The following STK10 variants were observed in gnomAD, a reference collection of about 807,000 sequenced individuals.
The protein encoded by STK10 is serine/threonine-protein kinase 10.
A neutral mutation model predicts 113.8 loss-of-function variants in STK10; 78 were observed. The ratio of observed to expected loss-of-function variants is 0.69; its 90% CI spans 0.57 to 0.83. STK10 has a LOEUF of 0.83. Among genes scored for constraint, STK10 ranks in the 40% least tolerant of loss-of-function variants. The pLI, the probability that STK10 is intolerant of heterozygous loss-of-function variation, is 0.00. For synonymous variants in STK10, 465 were observed against 494.7 expected (o/e 0.94, Z 0.80); for missense variants, 1,109 against 1,280.1 (o/e 0.87, Z 2.04).
At chr5:172,106,851 T>G in intron 5 of STK10, 37 bp from the exon 6 acceptor site, 4 of 1,580,698 alleles carry the variant, frequency 2.5e-6, no homozygotes, top group Non-Finnish European at 3.5e-6. Context: ...GCTAAGAATC[T>G]GGCCTTTACA....
At chr5:172,051,839 C>T (rs1218506913) in intron 18 of STK10, among the ~76,000 whole-genome samples, 1 of 152,042 alleles carries the variant, frequency 6.6e-6, no homozygotes, top group African/African-American at 2.4e-5. Flanking sequence ...TTGACCATGC[C>T]AGCAGCGGCT....
intron 4 of STK10, chr5:172,114,473 ATTTTTTT>A (rs546584414): frequency 8.4e-5 from 4 of 47,540 alleles, no homozygotes; most frequent in African/African-American, 4.2e-4. Context: ...ATATATATAT[ATTTTTTT>A]TTTTTTTTTT....
intron 4 of STK10, among the ~76,000 whole-genome samples, chr5:172,109,550 T>C (rs1769188799): frequency 6.6e-6 from 1 of 151,946 alleles, no homozygotes; most frequent in African/African-American, 2.4e-5. Flanking sequence ...CAAGCAATCC[T>C]CCTGCCTTGG....
chr5:172,073,793 C>CAAAAAAAAAAAAA (rs60492751), intron 12 of STK10, among the ~76,000 whole-genome samples: 8 of 58,442 alleles, frequency 1.4e-4, no homozygotes, highest in African/African-American at 2.2e-4. Context: ...CTAAAAATAG[C>CAAAAAAAAAAAAA]AAAAAAAAAA....
In STK10 at chr5:172,106,611, G is replaced by GC. The variant is rs1769116315; in HGVS notation, c.788+8dup. On this transcript the variant is annotated intron_variant, in intron 6 of 18. Transcript: ENST00000176763. Reference sequence around the variant, plus strand: ...CACCCCGGCAGGTGGCCCTGCCCCTGCCCCTCACCACTTAGAGGGCGTGAG... The same window carrying GC: ...CACCCCGGCAGGTGGCCCTGCCCCTGCCCCCTCACCACTTAGAGGGCGTGAG... 1 of 1,609,996 alleles carries GC rather than the reference G, an allele frequency of 6.2e-7. No homozygotes were observed. Among genetic ancestry groups the GC allele is most frequent in the Non-Finnish European group, 8.5e-7 (1 of 1,178,606 alleles).
At chr5:172,064,898 C>A in intron 12 of STK10, 86 bp from the exon 13 acceptor site, 1 of 1,451,750 alleles carries the variant, frequency 6.9e-7, no homozygotes, top group South Asian at 1.2e-5. Context: ...ACCCCCGGGC[C>A]AGAGAAACCA....
At chr5:172,079,097 T>C (rs1245111252) in intron 12 of STK10, among the ~76,000 whole-genome samples, 1 of 152,140 alleles carries the variant, frequency 6.6e-6, no homozygotes, top group Non-Finnish European at 1.5e-5. Context: ...TGCTAAAACA[T>C]CTATGTAAGG....
At chr5:172,056,482 A>T (rs777860940) in intron 15 of STK10, among the ~76,000 whole-genome samples, 1 of 152,154 alleles carries the variant, frequency 6.6e-6, no homozygotes, top group African/African-American at 2.4e-5. Context: ...TGGAGACCTA[A>T]AAGTATTGAG....
intron 5 of STK10, among the ~76,000 whole-genome samples, chr5:172,107,444 C>T (rs981430344): frequency 1.3e-5 from 2 of 152,208 alleles, no homozygotes; most frequent in East Asian, 1.9e-4. Context: ...TCCCCATCCC[C>T]GGCCCTCAAT....
intron 5 of STK10, among the ~76,000 whole-genome samples, chr5:172,107,260 A>T (rs966431486): frequency 6.6e-6 from 1 of 152,262 alleles, no homozygotes; most frequent in Non-Finnish European, 1.5e-5. Context: ...CAAGTAATGC[A>T]CATGAAAAAA....
intron 12 of STK10, among the ~76,000 whole-genome samples, chr5:172,068,820 G>A (rs534297058): frequency 6.6e-6 from 1 of 151,950 alleles, no homozygotes; most frequent in South Asian, 2.1e-4. Flanking sequence ...AGGAGGCAGA[G>A]GTTGCAGTGA....
chr5:172,121,044 TTTGAGATG>T (rs1473324078), intron 3 of STK10, among the ~76,000 whole-genome samples: 2 of 151,696 alleles, frequency 1.3e-5, no homozygotes, highest in African/African-American at 4.8e-5. Flanking sequence ...TTTTTTTTTT[TTTGAGATG>T]GAGTCTTGCT....
At chr5:172,045,434 A>G (rs926974398) in intron 18 of STK10, 2 of 459,058 alleles carry the variant, frequency 4.4e-6, no homozygotes, top group Non-Finnish European at 8.7e-6. Context: ...GCCTGAGTTG[A>G]GATTGCGCCA....
intron 3 of STK10, among the ~76,000 whole-genome samples, chr5:172,123,160 C>T (rs970737053): frequency 5.9e-5 from 9 of 152,184 alleles, no homozygotes; most frequent in Admixed American, 2.0e-4. Context: ...CCCAGCCATG[C>T]GGGGCAAAGT....
At chr5:172,054,073 A>G (rs897612878) in intron 17 of STK10, among the ~76,000 whole-genome samples, 2 of 152,188 alleles carry the variant, frequency 1.3e-5, no homozygotes, top group African/African-American at 4.8e-5. Flanking sequence ...GCAGTTCCTG[A>G]GGTTCGAATC....
chr5:172,067,407 AAAT>A lies in STK10; in HGVS notation c.1990-2598_1990-2596del, dbSNP rs1415491005. ...TAAATAAATAAATAAATAAATAAAT[AAAT>A]AGAATAAAATGCCAAGGAAACAATA... On this transcript the variant is annotated intron_variant, in intron 12 of 18. Coordinates refer to ENST00000176763, the MANE Select transcript of STK10 (RefSeq NM_005990.4). Among the ~76,000 whole-genome samples, 41 of 138,366 alleles carry A rather than the reference AAAT, an allele frequency of 3.0e-4. 1 individual carries two copies. Among genetic ancestry groups the A allele is most frequent in the Middle Eastern group, 7.1e-3 (2 of 280 alleles). The allele number at this position is 138,366 out of a possible 152,430, so 90.8% of individuals were successfully genotyped here. A position where few individuals can be genotyped will look rare whatever the true frequency, so the allele number is the denominator to read the frequency against.
In STK10 at chr5:172,071,233, A is replaced by AG. The variant is rs1420021142; in HGVS notation, c.1990-6422_1990-6421insC. ...ATCTCAAAAAAAAAAAAAAAAAAAA[A>AG]AAAAAAAAGAAATAGGTATTTCATT... On this transcript the variant is annotated intron_variant, in intron 12 of 18. Transcript: ENST00000176763. Among the ~76,000 whole-genome samples, 159 of 133,542 alleles carry AG rather than the reference A, an allele frequency of 1.2e-3. 1 individual carries two copies. Among genetic ancestry groups the AG allele is most frequent in the African/African-American group, 4.3e-3 (151 of 35,332 alleles). The allele number at this position is 133,542 out of a possible 152,430, so 87.6% of individuals were successfully genotyped here.
intron 2 of STK10, among the ~76,000 whole-genome samples, chr5:172,148,950 C>T (rs547093688): frequency 8.2e-4 from 125 of 152,304 alleles, no homozygotes; most frequent in Non-Finnish European, 1.3e-3. Context: ...CTTTGGGAGG[C>T]GGAGGGAGGC....
chr5:172,048,414 T>TATACACACAC (rs1554114846), intron 18 of STK10, among the ~76,000 whole-genome samples: 4 of 128,394 alleles, frequency 3.1e-5, no homozygotes, highest in African/African-American at 1.2e-4. Context: ...TCCCTCTCCC[T>TATACACACAC]ACACACACAC....
Sources: gnomAD v4.1 joint callset for allele counts (sites outside exome capture counted in the v4.1 genomes callset) on GRCh38, gnomAD v4.1.1 for gene constraint, MANE v1.5 for transcripts, NCBI Gene and HGNC (gene_info 2026-07-23, HGNC 2026-07-21) for gene names.